DLC1: variants seen among roughly 807,000 people sequenced by gnomAD.
The protein encoded by DLC1 is rho GTPase-activating protein 7.
DLC1 carries 54 observed loss-of-function variants against 140.3 expected under a neutral mutation model. The ratio of observed to expected loss-of-function variants is 0.38; its 90% confidence interval spans 0.31 to 0.48. The LOEUF (loss-of-function observed/expected upper bound fraction) is 0.48, where lower values mean the gene tolerates loss of function less well. Among genes scored for constraint, DLC1 ranks in the 20% least tolerant of loss-of-function variants. DLC1 has a pLI of 0.96. For missense variants in DLC1, 2,536 were observed against 1,907.0 expected, an observed-to-expected ratio of 1.33 and a Z score of -6.14; for synonymous variants, 986 against 728.1, an observed-to-expected ratio of 1.35 and a Z score of -5.70.
intron 5 of DLC1, among the ~76,000 whole-genome samples, chr8:13,250,942 G>C (rs150638579): frequency 1.5e-4 from 23 of 152,114 alleles, no homozygotes; most frequent in Admixed American, 1.3e-3. Context: ...AGAAAATTCA[G>C]TGCATTGCTG....
intron 1 of DLC1, among the ~76,000 whole-genome samples, chr8:13,595,041 C>G (rs375646059): frequency 1.7e-4 from 26 of 151,932 alleles, no homozygotes; most frequent in African/African-American, 5.3e-4. Flanking sequence ...GTGGACTAGC[C>G]TGGATCACAC....
intron 1 of DLC1, among the ~76,000 whole-genome samples, chr8:13,523,319 A>G (rs2117289228): frequency 6.6e-6 from 1 of 152,288 alleles, no homozygotes; most frequent in South Asian, 2.1e-4. Flanking sequence ...AGAAGAAAAG[A>G]AGAGTCAAAA....
intron 2 of DLC1, among the ~76,000 whole-genome samples, chr8:13,477,487 A>T (rs535970175): frequency 3.1e-4 from 47 of 152,346 alleles, no homozygotes; most frequent in African/African-American, 9.4e-4. Flanking sequence ...AACAAGGACT[A>T]ATCGCAGAGG....
At chr8:13,422,213 A>G (rs1484439088) in intron 2 of DLC1, among the ~76,000 whole-genome samples, 2 of 152,174 alleles carry the variant, frequency 1.3e-5, no homozygotes, top group Non-Finnish European at 2.9e-5. Context: ...GGTTTAAACT[A>G]ATACCTCAAA....
In DLC1 at chr8:13,416,132, G is replaced by A. The variant is rs556155696; in HGVS notation, c.1024-14513C>T. ...TGTACCCATGTACCCTGATGCTGGC[G>A]TCTAGGGGTCCCATGTTATTCTTCT... On this transcript the variant is annotated intron_variant, in intron 2 of 17. Transcript: ENST00000276297. Among the ~76,000 whole-genome samples the A allele has an allele frequency of 2.3e-3, 355 of 152,264 alleles. 7 individuals carry two copies. The highest frequency in any genetic ancestry group is 5.8e-4 in the East Asian group (3 of 5,174).
At chr8:13,341,294 T>G (rs1474245899) in intron 4 of DLC1, 1 of 152,128 alleles carries the variant, frequency 6.6e-6, no homozygotes, top group African/African-American at 2.4e-5. Context: ...AGTCTAGAAA[T>G]GAAAATCATG....
chr8:13,099,958 C>A lies in DLC1; in HGVS notation c.2379G>T (p.Gln793His), dbSNP rs1291954471. The change falls in exon 9 of 18, where the codon CAG (glutamine) becomes CAT (histidine). Residue 793 changes from glutamine (Q) to histidine (H), a missense_variant. Physicochemically the swap from Gln to His is conservative, Grantham distance 24. Coordinates refer to ENST00000276297, the MANE Select transcript of DLC1 (RefSeq NM_182643.3). The part of the protein sequence containing the change: ...NQSTFNNVVE[Q>H]NFKNRESYPE... ...GGTAGCTCTCGCGGTTCTTAAAGTT[C>A]TGCTCCACCACGTTGTTAAATGTTG... The A allele has an allele frequency of 1.9e-6, 3 of 1,613,174 alleles. No individual in the cohort carries two copies. Among genetic ancestry groups the A allele is most frequent in the Non-Finnish European group, 2.5e-6 (3 of 1,180,034 alleles).
chr8:13,291,388 G>A (rs1255815905), intron 5 of DLC1, among the ~76,000 whole-genome samples: 1 of 152,182 alleles, frequency 6.6e-6, no homozygotes, highest in Non-Finnish European at 1.5e-5. Context: ...AGTGAGTACT[G>A]TGATACTAAT....
At chr8:13,173,133 T>G (rs557915918) in intron 5 of DLC1, among the ~76,000 whole-genome samples, 3 of 152,272 alleles carry the variant, frequency 2.0e-5, no homozygotes, top group African/African-American at 7.2e-5. Context: ...TTATCTTGAA[T>G]AGCTTGAAGT....
intron 5 of DLC1, among the ~76,000 whole-genome samples, chr8:13,294,544 C>T (rs557913173): frequency 9.9e-5 from 15 of 152,180 alleles, no homozygotes; most frequent in African/African-American, 3.6e-4. Flanking sequence ...TAGATAATTT[C>T]TGGAAGGGAA....
chr8:13,147,310 C>G (rs1823506940), intron 5 of DLC1, among the ~76,000 whole-genome samples: 1 of 152,154 alleles, frequency 6.6e-6, no homozygotes, highest in South Asian at 2.1e-4. Context: ...AGTGAACTTC[C>G]CTAAATTAGT....
upstream of DLC1, among the ~76,000 whole-genome samples, chr8:13,517,778 C>G (rs17820989): frequency 0.26 from 40,050 of 152,132 alleles, 6,576 homozygotes; most frequent in Middle Eastern, 0.39. Flanking sequence ...GAGTCTGCTC[C>G]AAAACTAACA....
At chr8:13,284,661 CA>C (rs1831479609) in intron 5 of DLC1, among the ~76,000 whole-genome samples, 1 of 148,732 alleles carries the variant, frequency 6.7e-6, no homozygotes, top group Admixed American at 6.6e-5. Flanking sequence ...CTAGTCAGAT[CA>C]ACTACAAGTA....
intron 5 of DLC1, among the ~76,000 whole-genome samples, chr8:13,295,605 C>A (rs999806386): frequency 4.6e-5 from 7 of 152,164 alleles, no homozygotes; most frequent in Non-Finnish European, 8.8e-5. Flanking sequence ...ATAGAAATGT[C>A]TATGGAATCC....
chr8:13,109,123 C>T (rs752138831), intron 7 of DLC1, among the ~76,000 whole-genome samples: 9 of 152,174 alleles, frequency 5.9e-5, no homozygotes, highest in Non-Finnish European at 2.9e-5. Flanking sequence ...CTGCCCCAAA[C>T]CACTGCTTAC....
chr8:13,253,572 C>CT (rs1023990885), intron 5 of DLC1, among the ~76,000 whole-genome samples: 4 of 152,240 alleles, frequency 2.6e-5, no homozygotes, highest in Admixed American at 1.3e-4. Flanking sequence ...GATTTTATTC[C>CT]TTTTTCTGTT....
chr8:13,147,929 A>G (rs775312415), intron 5 of DLC1, among the ~76,000 whole-genome samples: 40 of 152,164 alleles, frequency 2.6e-4, no homozygotes, highest in Admixed American at 1.4e-3. Flanking sequence ...CGGAGGTTGC[A>G]GTGGCAGAGA....
At chr8:13,245,918 T>G (rs1309294849) in intron 5 of DLC1, among the ~76,000 whole-genome samples, 1 of 152,050 alleles carries the variant, frequency 6.6e-6, no homozygotes, top group Non-Finnish European at 1.5e-5. Context: ...GACAGGCTGG[T>G]CTTGAACTCC....
At position 13,308,221 on chromosome 8, in the gene DLC1, C is replaced by G. The variant is rs374542676; in HGVS notation, c.1315-2919G>C. Among the ~76,000 whole-genome samples the G allele has an allele frequency of 3.1e-4, 47 of 152,284 alleles. 1 individual carries two copies. Among genetic ancestry groups the G allele is most frequent in the African/African-American group, 1.1e-3 (44 of 41,544 alleles). Reference sequence around the variant, plus strand: ...ATTTTAGCCTCCTTATGGCCAATGTCCATATTTCATGTAGCCAATGCCAAT... The same window carrying G: ...ATTTTAGCCTCCTTATGGCCAATGTGCATATTTCATGTAGCCAATGCCAAT... On this transcript the variant is annotated intron_variant, in intron 4 of 17. Transcript: ENST00000276297.
Sources: allele counts gnomAD v4.1 joint callset (sites outside exome capture counted in the v4.1 genomes callset), GRCh38; gene constraint gnomAD v4.1.1; transcripts MANE v1.5; gene names NCBI Gene and HGNC (gene_info 2026-07-23, HGNC 2026-07-21).